Variants in DZIP3 observed in about 807,000 individuals in gnomAD.
The protein encoded by DZIP3 is DAZ interacting zinc finger protein 3.
In DZIP3, 118 loss-of-function variants were observed where a neutral mutation model predicts 162.0. That is an observed-to-expected ratio of 0.73 (90% CI 0.63 to 0.85). The LOEUF is 0.85. Ranked by LOEUF, DZIP3 falls within the 40% of genes least tolerant of loss-of-function variation. DZIP3 has a pLI of 0.00. For missense variants in DZIP3, 1,331 were observed against 1,407.0 expected (o/e 0.95, Z 0.86); for synonymous variants, 438 against 458.6 (o/e 0.96, Z 0.57).
chr3:108,646,742 T>C, intron 15 of DZIP3, 93 bp downstream of exon 15: 1 of 994,874 alleles, frequency 1.0e-6, no homozygotes, highest in South Asian at 1.7e-5. Context: ...AATGATAAAC[T>C]ATAATTGTGA....
chr3:108,644,836 T>C, intron 14 of DZIP3, 55 bp downstream of exon 14: 4 of 1,518,330 alleles, frequency 2.6e-6, no homozygotes, highest in African/African-American at 1.4e-5. Flanking sequence ...GAATGTCTGC[T>C]CTGTGCCAGG....
chr3:108,605,608 G>A (rs1339711704), intron 2 of DZIP3, among the ~76,000 whole-genome samples, 170 bp downstream of exon 2: 5 of 152,110 alleles, frequency 3.3e-5, no homozygotes, highest in Admixed American at 3.3e-4. Flanking sequence ...CCTTCACATG[G>A]GCAGTTCACA....
chr3:108,633,014 G>A lies in DZIP3; in HGVS notation c.758G>A (p.Ser253Asn). Residue 253 changes from serine (S) to asparagine (N), a missense_variant, in exon 9 of 33, where the codon AGT becomes AAT. Ser to Asn is a conservative substitution (Grantham distance 46). Around this residue, in one of 2 missense-constraint regions of DZIP3, gnomAD observed 1,278 missense variants for 1,317.1 expected, o/e 0.97. Coordinates refer to ENST00000361582, the MANE Select transcript of DZIP3 (RefSeq NM_014648.4). ...AATATAATGAAGCAGACGATTTGTA[G>A]TTACCTAGATTGTGAACGATCTTGT... The part of the protein sequence containing the change: ...ESNIMKQTIC[S>N]YLDCERSCEA... 6.6e-7 allele frequency: 1 copy of A among 1,509,804 alleles called. No homozygotes were observed. The highest frequency in any genetic ancestry group is 2.5e-5 in the East Asian group (1 of 40,426). 93.5% of individuals were successfully genotyped at this position (1,509,804 alleles called of 1,614,324 possible).
Position 108,693,520 on chromosome 3 carries a change from T to C in DZIP3, c.*167T>C, listed in dbSNP as rs1944778705. 6.6e-6 allele frequency: 1 copy of C among 152,154 alleles called. No homozygotes were observed. 9.4% of individuals were successfully genotyped at this position (152,154 alleles called of 1,614,324 possible). On this transcript the variant is annotated 3_prime_UTR_variant, in exon 33 of 33. Transcript: ENST00000361582. ...CTTGAAATCTGCGGCAATTGGAGTA[T>C]TTACACCATAGAAATGCTATAAGTG... is the stretch of plus-strand genomic sequence containing the variant.
intron 4 of DZIP3, among the ~76,000 whole-genome samples, chr3:108,614,018 A>G (rs1330990391): frequency 6.6e-6 from 1 of 152,222 alleles, no homozygotes; most frequent in Non-Finnish European, 1.5e-5. Context: ...AGATGTAAAT[A>G]TTAGAAAAAG....
At chr3:108,622,842 C>CTT in intron 5 of DZIP3, among the ~76,000 whole-genome samples, 3 of 21,958 alleles carry the variant, frequency 1.4e-4, no homozygotes, top group Non-Finnish European at 2.8e-4. Flanking sequence ...CAGAGTCTCT[C>CTT]TCTCTCTCTC....
intron 8 of DZIP3, among the ~76,000 whole-genome samples, chr3:108,630,492 A>G (rs1156381073): frequency 6.6e-6 from 1 of 152,140 alleles, no homozygotes; most frequent in Non-Finnish European, 1.5e-5. Flanking sequence ...ATATTTTTAA[A>G]GCCCCAATCA....
intron 26 of DZIP3, among the ~76,000 whole-genome samples, chr3:108,682,578 T>A (rs1255725827): frequency 1.3e-5 from 2 of 150,516 alleles, no homozygotes; most frequent in Non-Finnish European, 2.9e-5. Context: ...TCTCATAAAA[T>A]TAATGAAAAA....
intron 31 of DZIP3, among the ~76,000 whole-genome samples, 170 bp from the exon 32 acceptor site, chr3:108,690,617 C>G (rs1416951892): frequency 1.3e-5 from 2 of 152,286 alleles, no homozygotes; most frequent in South Asian, 2.1e-4. Context: ...TTTTGTTTAG[C>G]AAACCACAGG....
intron 9 of DZIP3, 79 bp downstream of exon 9, chr3:108,633,151 A>T: frequency 3.1e-6 from 2 of 636,774 alleles, no homozygotes; most frequent in South Asian, 7.3e-5. Context: ...AATAAAAATT[A>T]TATTATGTAT....
chr3:108,605,264 C>T (rs552464213), intron 1 of DZIP3, 71 bp from the exon 2 acceptor site: 7 of 1,106,774 alleles, frequency 6.3e-6, no homozygotes, highest in East Asian at 5.0e-5. Flanking sequence ...CAAATGATCA[C>T]GTTCTGTTTT....
Position 108,688,869 on chromosome 3 carries a change from A to G in DZIP3, c.3461A>G (p.Asn1154Ser), listed in dbSNP as rs370188398. ...EEEPCVICHE[N>S]LSPENLSVLP... is the part of the protein sequence containing the mutation. ...GAGCCTTGTGTGATCTGTCATGAGA[A>G]TCTGTCTCCAGAAAATCTTTCAGTT... The change falls in exon 31 of 33, where the codon AAT (asparagine) becomes AGT (serine). Residue 1154 changes from asparagine (N) to serine (S), a missense_variant. Asn to Ser is a conservative substitution (Grantham distance 46). This residue lies in a region of DZIP3 where 53 missense variants were observed against 89.9 expected (regional missense o/e 0.59). Transcript: ENST00000361582. The G allele has an allele frequency of 1.2e-6, 2 of 1,614,096 alleles. No homozygotes were observed. The highest frequency in any genetic ancestry group is 2.7e-5 in the African/African-American group (2 of 74,948).
At position 108,644,753 on chromosome 3, in the gene DZIP3, A is replaced by G. The variant is rs1168599197; in HGVS notation, c.1731A>G (p.Ile577Met). The G allele has an allele frequency of 6.2e-7, 1 of 1,605,226 alleles. No homozygotes were observed. The highest frequency in any genetic ancestry group is 1.1e-5 in the South Asian group (1 of 91,058). ...VYLGIPVPEIIQRMLSCYQQG... is the reference protein window; with the variant it reads ...VYLGIPVPEIMQRMLSCYQQG... Reference sequence around the variant, plus strand: ...TAGGCATACCAGTACCAGAAATCATACAGAGGATGTTATCCTGCTATCAAC... The same window carrying G: ...TAGGCATACCAGTACCAGAAATCATGCAGAGGATGTTATCCTGCTATCAAC... The change falls in exon 14 of 33, where the codon ATA becomes ATG. Residue 577 changes from isoleucine to methionine, a missense_variant. Coordinates refer to ENST00000361582, the MANE Select transcript of DZIP3 (RefSeq NM_014648.4).
chr3:108,659,356 C>A (rs1576432715), intron 19 of DZIP3, among the ~76,000 whole-genome samples: 4 of 151,136 alleles, frequency 2.6e-5, no homozygotes, highest in Admixed American at 2.6e-4. Context: ...ATCAATAAAT[C>A]CAGCATATAA....
chr3:108,608,260 T>G, intron 3 of DZIP3, 102 bp downstream of exon 3: 1 of 922,002 alleles, frequency 1.1e-6, no homozygotes, highest in Non-Finnish European at 1.7e-6. Flanking sequence ...GTGTTAAAAT[T>G]TTTTGAGTGA....
intron 21 of DZIP3, among the ~76,000 whole-genome samples, chr3:108,663,502 G>A (rs948947935): frequency 6.6e-6 from 1 of 150,652 alleles, no homozygotes; most frequent in Admixed American, 6.6e-5. Flanking sequence ...GTTGCAGTGA[G>A]CCGAGATCGT....
At chr3:108,642,657 TGGTGTAG>T in intron 13 of DZIP3, 143 bp downstream of exon 13, 4 of 863,600 alleles carry the variant, frequency 4.6e-6, no homozygotes, top group Non-Finnish European at 6.6e-6. Context: ...AAGCAGCGCT[TGGTGTAG>T]GCTGGAAATC....
At chr3:108,661,612 G>A (rs1453676722) in intron 19 of DZIP3, among the ~76,000 whole-genome samples, 1 of 151,948 alleles carries the variant, frequency 6.6e-6, no homozygotes, top group Admixed American at 6.6e-5. Flanking sequence ...TTGTGCACAT[G>A]TACCCTAAAA....
chr3:108,654,228 C>A lies in DZIP3; in HGVS notation c.2117C>A (p.Ala706Glu). Residue 706 changes from alanine (A) to glutamate (E), a missense_variant, in exon 19 of 33, where the codon GCA (alanine) becomes GAA (glutamate). Physicochemically the swap from Ala to Glu is moderately radical, Grantham distance 107 (BLOSUM62 -1). Around this residue, in one of 2 missense-constraint regions of DZIP3, gnomAD observed 1,278 missense variants for 1,317.1 expected, o/e 0.97. Transcript: ENST00000361582. ...HSVSRLIKDDASDVQEDSAME... is the reference protein window; with the variant it reads ...HSVSRLIKDDESDVQEDSAME... ...GTCAGTAGACTTATAAAAGATGATGCAAGTGATGTTCAAGAGGATTCTGCA... is the reference window on the plus strand; with the variant it reads ...GTCAGTAGACTTATAAAAGATGATGAAAGTGATGTTCAAGAGGATTCTGCA... 2 of 1,613,738 alleles carry A rather than the reference C, an allele frequency of 1.2e-6. No homozygotes were observed. The highest frequency in any genetic ancestry group is 8.5e-7 in the Non-Finnish European group (1 of 1,179,734).
Sources: allele counts gnomAD v4.1 joint callset (sites outside exome capture counted in the v4.1 genomes callset), GRCh38; gene constraint gnomAD v4.1.1; regional missense constraint gnomAD v4.1.1; transcripts MANE v1.5; gene names NCBI Gene and HGNC (gene_info 2026-07-23, HGNC 2026-07-21).